DOK6: variants seen among roughly 807,000 people sequenced by gnomAD.
DOK6 encodes downstream of tyrosine kinase 6.
In DOK6, 22 loss-of-function variants were observed where a neutral mutation model predicts 44.0. The observed-to-expected ratio is 0.50, with a 90% CI of 0.36 to 0.71. DOK6 has a LOEUF of 0.71. DOK6 is among the 30% of genes least tolerant of loss of function. DOK6 has a pLI of 0.00. For synonymous variants in DOK6, 166 were observed against 145.5 expected (o/e 1.14, Z -1.01); for missense variants, 340 against 416.4 (o/e 0.82, Z 1.60).
At chr18:69,700,094 T>A (rs1382092376) in intron 5 of DOK6, among the ~76,000 whole-genome samples, 1 of 151,876 alleles carries the variant, frequency 6.6e-6, no homozygotes, top group Admixed American at 6.6e-5. Context: ...ACTGCCCCCA[T>A]GATTCAGTTA....
intron 4 of DOK6, among the ~76,000 whole-genome samples, chr18:69,683,567 G>C (rs1986088104): frequency 1.3e-5 from 2 of 152,324 alleles, no homozygotes; most frequent in East Asian, 1.9e-4. Context: ...CATGTGGCTG[G>C]AGTGATGACA....
At chr18:69,433,384 A>G (rs1978860511) in intron 1 of DOK6, among the ~76,000 whole-genome samples, 2 of 152,226 alleles carry the variant, frequency 1.3e-5, no homozygotes, top group Admixed American at 1.3e-4. Context: ...TACATATTGC[A>G]ATAGAAATAG....
chr18:69,681,293 T>G (rs535399694), intron 4 of DOK6, among the ~76,000 whole-genome samples: 1 of 152,226 alleles, frequency 6.6e-6, no homozygotes, highest in Non-Finnish European at 1.5e-5. Flanking sequence ...TTTTTTGACA[T>G]TCAAAAATGC....
At chr18:69,674,613 C>T (rs965841560) in intron 3 of DOK6, among the ~76,000 whole-genome samples, 1 of 151,984 alleles carries the variant, frequency 6.6e-6, no homozygotes, top group Non-Finnish European at 1.5e-5. Flanking sequence ...CCACACATTA[C>T]ACATACAGTG....
At chr18:69,516,812 A>G (rs942892193) in intron 1 of DOK6, among the ~76,000 whole-genome samples, 32 of 149,682 alleles carry the variant, frequency 2.1e-4, no homozygotes, top group Non-Finnish European at 3.8e-4. Context: ...AGAAGCTGGG[A>G]TTACAGGCAT....
At chr18:69,676,982 A>G (rs1985936458) in intron 3 of DOK6, among the ~76,000 whole-genome samples, 1 of 152,204 alleles carries the variant, frequency 6.6e-6, no homozygotes, top group African/African-American at 2.4e-5. Context: ...AAAAAAAAGC[A>G]ATGATCTAAT....
At chr18:69,420,879 G>C (rs1446715567) in intron 1 of DOK6, among the ~76,000 whole-genome samples, 1 of 151,962 alleles carries the variant, frequency 6.6e-6, no homozygotes, top group African/African-American at 2.4e-5. Context: ...TAATTCTAAG[G>C]CTCCTATTTT....
intron 7 of DOK6, among the ~76,000 whole-genome samples, chr18:69,768,453 G>A (rs1462149380): frequency 6.6e-6 from 1 of 151,552 alleles, no homozygotes; most frequent in African/African-American, 2.4e-5. Flanking sequence ...GAAGAACCTA[G>A]AGGGAAAAAT....
At chr18:69,527,733 C>A (rs1981870565) in intron 1 of DOK6, among the ~76,000 whole-genome samples, 1 of 152,296 alleles carries the variant, frequency 6.6e-6, no homozygotes, top group African/African-American at 2.4e-5. Context: ...TTAGAAAAGG[C>A]AAATGCTGAG....
intron 6 of DOK6, among the ~76,000 whole-genome samples, chr18:69,745,890 C>T (rs1978968086): frequency 6.6e-6 from 1 of 152,130 alleles, no homozygotes; most frequent in African/African-American, 2.4e-5. Context: ...AAATTCATCC[C>T]AGCTTTCATT....
intron 5 of DOK6, among the ~76,000 whole-genome samples, chr18:69,713,358 T>G (rs546222124): frequency 1.3e-5 from 2 of 152,324 alleles, no homozygotes; most frequent in African/African-American, 4.8e-5. Context: ...TATACCAAAA[T>G]AGCATTAAAG....
chr18:69,703,691 A>C (rs944865212), intron 5 of DOK6, among the ~76,000 whole-genome samples: 1 of 152,212 alleles, frequency 6.6e-6, no homozygotes, highest in Non-Finnish European at 1.5e-5. Context: ...AGACATCTTC[A>C]TGCTAACCTA....
chr18:69,494,702 A>G (rs1980832471), intron 1 of DOK6, among the ~76,000 whole-genome samples: 1 of 152,214 alleles, frequency 6.6e-6, no homozygotes, highest in African/African-American at 2.4e-5. Context: ...GGTATGGGGC[A>G]ATGTATAATC....
intron 1 of DOK6, among the ~76,000 whole-genome samples, chr18:69,418,308 G>C (rs1483639616): frequency 6.6e-6 from 1 of 151,592 alleles, no homozygotes; most frequent in African/African-American, 2.4e-5. Flanking sequence ...TTGACTTTTG[G>C]GATTATTTCA....
At chr18:69,759,001 G>A (rs998755646) in intron 7 of DOK6, among the ~76,000 whole-genome samples, 2 of 152,324 alleles carry the variant, frequency 1.3e-5, no homozygotes, top group Middle Eastern at 3.4e-3. Context: ...ACAAGGCAAA[G>A]CAGTTGGAAT....
intron 2 of DOK6, among the ~76,000 whole-genome samples, chr18:69,596,710 G>C (rs1377091664): frequency 6.6e-6 from 1 of 152,168 alleles, no homozygotes; most frequent in African/African-American, 2.4e-5. Flanking sequence ...GAAATAGTAA[G>C]TGATCCCAGT....
intron 3 of DOK6, among the ~76,000 whole-genome samples, chr18:69,644,696 C>G (rs1985027367): frequency 6.6e-6 from 1 of 152,146 alleles, no homozygotes. Flanking sequence ...TGATTCCTCC[C>G]ACTTTATTAC....
At chr18:69,549,017 C>T (rs1010662584) in intron 1 of DOK6, among the ~76,000 whole-genome samples, 1 of 148,464 alleles carries the variant, frequency 6.7e-6, no homozygotes, top group African/African-American at 2.4e-5. Context: ...ATGGCGTGAA[C>T]CCCGGGTGAC....
chr18:69,457,608 G>T (rs978560678), intron 1 of DOK6, among the ~76,000 whole-genome samples: 3 of 152,062 alleles, frequency 2.0e-5, no homozygotes, highest in African/African-American at 7.2e-5. Flanking sequence ...GGATTGCTTT[G>T]CCTATTTGGG....
Sources: allele counts gnomAD v4.1 joint callset (sites outside exome capture counted in the v4.1 genomes callset), GRCh38; gene constraint gnomAD v4.1.1; transcripts MANE v1.5; gene names NCBI Gene and HGNC (gene_info 2026-07-23, HGNC 2026-07-21).